The following SEPSECS variants were observed in gnomAD, a reference collection of about 807,000 sequenced individuals.
The protein encoded by SEPSECS is O-phosphoseryl-tRNA(Sec) selenium transferase.
A neutral mutation model predicts 52.1 loss-of-function variants in SEPSECS; 42 were observed. The ratio of observed to expected loss-of-function variants is 0.81; its 90% CI spans 0.63 to 1.04. The LOEUF is 1.04. Among genes scored for constraint, SEPSECS ranks in the 50% least tolerant of loss-of-function variants. SEPSECS has a pLI of 0.00. For synonymous variants in SEPSECS, 216 were observed against 211.4 expected (o/e 1.02, Z -0.19); for missense variants, 590 against 610.6 (o/e 0.97, Z 0.36).
chr4:25,146,344 A>C (rs544420784), intron 6 of SEPSECS, among the ~76,000 whole-genome samples: 1 of 152,322 alleles, frequency 6.6e-6, no homozygotes, highest in East Asian at 1.9e-4. Flanking sequence ...GCTGCTCTGG[A>C]GGCCATTATA....
At chr4:25,124,537 G>A (rs1299315286) in intron 10 of SEPSECS, among the ~76,000 whole-genome samples, 2 of 151,928 alleles carry the variant, frequency 1.3e-5, no homozygotes, top group Non-Finnish European at 2.9e-5. Flanking sequence ...TGAAGCTCTA[G>A]GAATCTTAAA....
intron 1 of SEPSECS, chr4:25,159,884 T>C: frequency 8.8e-7 from 1 of 1,138,928 alleles, no homozygotes; most frequent in Non-Finnish European, 1.1e-6. Context: ...GCATACAGTC[T>C]ACAAACACCA....
chr4:25,132,401 A>G (rs1342156673), intron 8 of SEPSECS, among the ~76,000 whole-genome samples: 2 of 152,200 alleles, frequency 1.3e-5, no homozygotes, highest in Non-Finnish European at 2.9e-5. Context: ...GCTTCTCCAG[A>G]GCTGAACCAA....
At chr4:25,156,662 C>A (rs762802810) in intron 3 of SEPSECS, among the ~76,000 whole-genome samples, 194 bp downstream of exon 3, 1 of 132,770 alleles carries the variant, frequency 7.5e-6, no homozygotes, top group Non-Finnish European at 1.6e-5. Flanking sequence ...GAGCCGAGAT[C>A]GCGCCACTGC....
At chr4:25,133,473 C>T (rs10213282) in intron 8 of SEPSECS, among the ~76,000 whole-genome samples, 124,410 of 152,170 alleles carry the variant, frequency 0.82, 50,898 homozygotes, top group South Asian at 0.85. Flanking sequence ...CAGGTCATTT[C>T]CAAAGGAGAT....
intron 6 of SEPSECS, among the ~76,000 whole-genome samples, chr4:25,147,865 A>G (rs191994463): frequency 1.3e-5 from 2 of 152,360 alleles, no homozygotes; most frequent in East Asian, 3.9e-4. Flanking sequence ...GAAAAGACTT[A>G]CAGTATTAGT....
chr4:25,151,242 C>T (rs913080107), intron 6 of SEPSECS, among the ~76,000 whole-genome samples: 2 of 152,112 alleles, frequency 1.3e-5, no homozygotes. Context: ...AAGAAAGCTA[C>T]GCAACTCTCT....
Position 25,123,693 on chromosome 4 carries a change from A to G in SEPSECS, c.*238T>C, listed in dbSNP as rs1350011120. ...TGATGCTTAATTGACAGATATTCTA[A>G]CAATTAGAAAAATGCTAATTGTATA... On this transcript the variant is annotated 3_prime_UTR_variant, in exon 11 of 11. Transcript: ENST00000382103. The G allele has an allele frequency of 3.9e-6, 2 of 516,168 alleles. No homozygotes were observed. The highest frequency in any genetic ancestry group is 7.0e-6 in the Non-Finnish European group (2 of 286,992). The allele number at this position is 516,168 out of a possible 1,614,324, so 32.0% of individuals were successfully genotyped here. A position where few individuals can be genotyped will look rare whatever the true frequency, so the allele number is the denominator to read the frequency against.
intron 6 of SEPSECS, among the ~76,000 whole-genome samples, chr4:25,149,488 TA>T (rs1257114844): frequency 1.3e-5 from 2 of 152,020 alleles, no homozygotes; most frequent in East Asian, 3.9e-4. Flanking sequence ...AATATAACAC[TA>T]AAAAAATTAA....
intron 5 of SEPSECS, among the ~76,000 whole-genome samples, chr4:25,153,893 C>T (rs550418555): frequency 6.6e-6 from 1 of 152,140 alleles, no homozygotes; most frequent in South Asian, 2.1e-4. Context: ...GCCAGGCATA[C>T]TGTAAACATT....
At chr4:25,159,899 G>A in intron 1 of SEPSECS, 3 of 1,158,070 alleles carry the variant, frequency 2.6e-6, no homozygotes, top group Non-Finnish European at 3.2e-6. Flanking sequence ...ACACCATTAT[G>A]TGTTCTGAGT....
At position 25,124,227 on chromosome 4, in the gene SEPSECS, T is replaced by C. The variant is rs777323383; in HGVS notation, c.1212-2A>G. 3 of 1,612,596 alleles carry C rather than the reference T, an allele frequency of 1.9e-6. No homozygotes were observed. Among genetic ancestry groups the C allele is most frequent in the African/African-American group, 2.7e-5 (2 of 74,848 alleles). On this transcript the variant is annotated splice_acceptor_variant, in intron 10 of 10. Coordinates refer to ENST00000382103, the MANE Select transcript of SEPSECS (RefSeq NM_016955.4). LOFTEE classifies it high-confidence loss of function. ...TGCATGGACCCAAGAGGCACAACCC[T>C]GAAAGAAGAAAGATTTACCAATTTA...
At chr4:25,134,443 T>G (rs1384941880) in intron 8 of SEPSECS, among the ~76,000 whole-genome samples, 1 of 152,056 alleles carries the variant, frequency 6.6e-6, no homozygotes, top group Non-Finnish European at 1.5e-5. Context: ...CCAGGTGTTC[T>G]TAAATACCCT....
Position 25,156,932 on chromosome 4 carries a change from C to T in SEPSECS, c.312G>A (p.Val104=), listed in dbSNP as rs1297819782. The T allele has an allele frequency of 1.2e-6, 2 of 1,613,370 alleles. No homozygotes were observed. Among genetic ancestry groups the T allele is most frequent in the South Asian group, 1.1e-5 (1 of 91,054 alleles). ...GIGRSGDISA[V]QPKAAGSSLL... ...GGCTAGAGCCTGCAGCTTTTGGTTG[C>T]ACAGCAGAAATATCACCGGATCGTC... The change falls in exon 3 of 11, where the codon GTG becomes GTA. Residue 104 remains valine (V), a synonymous_variant. Coordinates refer to ENST00000382103, the MANE Select transcript of SEPSECS (RefSeq NM_016955.4).
Position 25,160,255 on chromosome 4 carries a change from C to T in SEPSECS, c.114+1G>A. 1.3e-6 allele frequency: 2 copies of T among 1,554,338 alleles called. No individual in the cohort carries two copies. Among genetic ancestry groups the T allele is most frequent in the East Asian group, 2.4e-5 (1 of 41,314 alleles). On this transcript the variant is annotated splice_donor_variant, in intron 1 of 10. Coordinates refer to ENST00000382103, the MANE Select transcript of SEPSECS (RefSeq NM_016955.4). LOFTEE classifies it high-confidence loss of function. ...TGGGGAGGGGACCGACAGCTCGGTA[C>T]CTTCTCCAGAAGCAGCCGTATGAGG...
At chr4:25,158,931 T>C (rs764594971) in intron 2 of SEPSECS, 22 bp downstream of exon 2, 3 of 1,608,556 alleles carry the variant, frequency 1.9e-6, no homozygotes, top group Non-Finnish European at 2.6e-6. Flanking sequence ...ATGTATCTCC[T>C]GTACTACTTA....
Position 25,160,336 on chromosome 4 carries a change from G to C in SEPSECS, c.34C>G (p.Leu12Val). Residue 12 changes from leucine to valine, a missense_variant, in exon 1 of 11, where the codon CTG becomes GTG. Coordinates refer to ENST00000382103, the MANE Select transcript of SEPSECS (RefSeq NM_016955.4). ...NRESFAAGER[L>V]VSPAYVRQGC... ...TGCCGCACGTAAGCCGGCGACACCAGCCGCTCTCCCGCCGCGAAGCTCTCG... is the reference window on the plus strand; with the variant it reads ...TGCCGCACGTAAGCCGGCGACACCACCCGCTCTCCCGCCGCGAAGCTCTCG... The C allele has an allele frequency of 6.5e-7, 1 of 1,549,052 alleles. No individual in the cohort carries two copies. The highest frequency in any genetic ancestry group is 8.7e-7 in the Non-Finnish European group (1 of 1,146,008).
In SEPSECS at chr4:25,159,140, T is replaced by C. The variant is rs749002432; in HGVS notation, c.115-33A>G. On this transcript the variant is annotated intron_variant, in intron 1 of 10. Coordinates refer to ENST00000382103, the MANE Select transcript of SEPSECS (RefSeq NM_016955.4). ...AAAAAAAAAAACTTATGATTATATT[T>C]AATAAAACTACCGTTCTCTAGAATA... The C allele has an allele frequency of 2.7e-6, 4 of 1,485,592 alleles. No individual in the cohort carries two copies. The South Asian group carries it at 5.1e-5, about 19-fold the overall frequency. 92.0% of individuals were successfully genotyped at this position (1,485,592 alleles called of 1,614,324 possible).
intron 8 of SEPSECS, among the ~76,000 whole-genome samples, chr4:25,143,005 A>G (rs1711688485): frequency 1.3e-5 from 2 of 151,988 alleles, no homozygotes; most frequent in South Asian, 4.1e-4. Context: ...TGAAACAACT[A>G]AACTCTCATA....
Sources: gnomAD v4.1 joint callset for allele counts (sites outside exome capture counted in the v4.1 genomes callset) on GRCh38, gnomAD v4.1.1 for gene constraint, MANE v1.5 for transcripts, NCBI Gene and HGNC (gene_info 2026-07-23, HGNC 2026-07-21) for gene names.